The following RXRA variants were observed in gnomAD, a reference collection of about 807,000 sequenced individuals.
RXRA encodes retinoid X receptor alpha.
A neutral mutation model predicts 44.5 loss-of-function variants in RXRA; 5 were observed. That is an observed-to-expected ratio of 0.11 (90% confidence interval 0.06 to 0.24). The LOEUF is 0.24. RXRA is among the 10% of genes least tolerant of loss of function. RXRA has a pLI of 1.00. For missense variants in RXRA, 412 were observed against 646.5 expected, an observed-to-expected ratio of 0.64 and a Z score of 3.93; for synonymous variants, 291 against 271.4, an observed-to-expected ratio of 1.07 and a Z score of -0.71.
chr9:134,394,005 G>C (rs1181654016), intron 1 of RXRA, among the ~76,000 whole-genome samples: 2 of 151,586 alleles, frequency 1.3e-5, no homozygotes, highest in South Asian at 4.2e-4. Context: ...CCATCCCCTT[G>C]CTATTTATGA....
chr9:134,368,402 C>G (rs187943710), intron 1 of RXRA, among the ~76,000 whole-genome samples: 1 of 152,268 alleles, frequency 6.6e-6, no homozygotes, highest in African/African-American at 2.4e-5. Context: ...ATGGGGGCCA[C>G]CGGGTCCTTC....
chr9:134,354,008 G>A (rs528380628), intron 1 of RXRA, among the ~76,000 whole-genome samples: 1 of 152,294 alleles, frequency 6.6e-6, no homozygotes, highest in South Asian at 2.1e-4. Context: ...CAAGCTCCTG[G>A]GGAAAGGGGG....
At chr9:134,362,759 G>A (rs1284001405) in intron 1 of RXRA, among the ~76,000 whole-genome samples, 1 of 152,232 alleles carries the variant, frequency 6.6e-6, no homozygotes, top group South Asian at 2.1e-4. Context: ...CCCACTTTCT[G>A]TCGGCCCCTC....
chr9:134,357,290 T>C (rs1300133309), intron 1 of RXRA, among the ~76,000 whole-genome samples: 1 of 152,200 alleles, frequency 6.6e-6, no homozygotes, highest in Non-Finnish European at 1.5e-5. Context: ...AGTTCGCTGC[T>C]GAGCGGGCTG....
intron 2 of RXRA, 73 bp downstream of exon 2, chr9:134,401,955 C>A: frequency 7.9e-7 from 1 of 1,270,988 alleles, no homozygotes; most frequent in Non-Finnish European, 1.1e-6. Flanking sequence ...GCAGGACGAC[C>A]GCCTCATCTT....
intron 4 of RXRA, among the ~76,000 whole-genome samples, chr9:134,409,372 C>G (rs891787308): frequency 2.0e-5 from 3 of 152,160 alleles, no homozygotes; most frequent in Non-Finnish European, 4.4e-5. Flanking sequence ...TCAAGGAGAC[C>G]CTCAGGTGGC....
intron 1 of RXRA, among the ~76,000 whole-genome samples, chr9:134,393,041 A>T (rs1830823680): frequency 6.7e-6 from 1 of 148,544 alleles, no homozygotes; most frequent in Non-Finnish European, 1.5e-5. Flanking sequence ...AAAAAAACCC[A>T]TCCTGCCCTG....
intron 1 of RXRA, among the ~76,000 whole-genome samples, chr9:134,353,096 G>T (rs530347636): frequency 3.9e-5 from 6 of 152,216 alleles, no homozygotes; most frequent in East Asian, 1.9e-4. Context: ...CCTTCTGGAG[G>T]GGGGAGGAGG....
intron 1 of RXRA, chr9:134,372,285 AGGT>A (rs1830500604): frequency 6.6e-6 from 1 of 151,906 alleles, no homozygotes; most frequent in African/African-American, 2.4e-5. Context: ...CCCACTGGGG[AGGT>A]GGAGGGCCGC....
chr9:134,373,268 G>A (rs1033539347), intron 1 of RXRA, among the ~76,000 whole-genome samples: 3 of 152,104 alleles, frequency 2.0e-5, no homozygotes, highest in African/African-American at 7.2e-5. Flanking sequence ...GCTAGGAATG[G>A]CAGTAACAGG....
At chr9:134,336,136 G>A (rs1373992956) in intron 1 of RXRA, among the ~76,000 whole-genome samples, 1 of 151,810 alleles carries the variant, frequency 6.6e-6, no homozygotes, top group Non-Finnish European at 1.5e-5. Flanking sequence ...AGGTCACTCT[G>A]GGCACAGACA....
chr9:134,364,209 TG>T (rs1208311224), intron 1 of RXRA, among the ~76,000 whole-genome samples: 1 of 152,078 alleles, frequency 6.6e-6, no homozygotes. Flanking sequence ...CAGCGTCACG[TG>T]TAAGGTCCAG....
intron 4 of RXRA, among the ~76,000 whole-genome samples, chr9:134,413,301 G>GGT (rs1490033528): frequency 6.6e-6 from 1 of 151,680 alleles, no homozygotes; most frequent in African/African-American, 2.4e-5. Context: ...GTGTGCGTGT[G>GGT]GTGTGTGTGT....
chr9:134,352,015 G>A (rs1830227581), intron 1 of RXRA, among the ~76,000 whole-genome samples: 1 of 152,236 alleles, frequency 6.6e-6, no homozygotes, highest in Non-Finnish European at 1.5e-5. Flanking sequence ...TGCCTGCATG[G>A]GTCATGGTGC....
chr9:134,338,959 C>T lies in RXRA; in HGVS notation c.28+12300C>T, dbSNP rs1450894404. 3.9e-5 allele frequency among the ~76,000 whole-genome samples: 6 copies of T among 152,364 alleles called. No homozygotes were observed. In the East Asian group the frequency reaches 7.7e-4, roughly 20 times the overall value. On this transcript the variant is annotated intron_variant, in intron 1 of 9. Coordinates refer to ENST00000481739, the MANE Select transcript of RXRA (RefSeq NM_002957.6). ...GGCCGCCTTTCTGAGAACAAGGAGC[C>T]GATTGTTGTCACCACTGCTGTCTGC...
At position 134,439,957 on chromosome 9, in the gene RXRA, T is replaced by G. The variant is rs1831703666; in HGVS notation, c.*3343T>G. 6.6e-6 allele frequency: 1 copy of G among 152,430 alleles called. No homozygotes were observed. Among genetic ancestry groups the G allele is most frequent in the Admixed American group, 6.5e-5 (1 of 15,282 alleles). The allele number at this position is 152,430 out of a possible 1,614,324, so 9.4% of individuals were successfully genotyped here. A position where few individuals can be genotyped will look rare whatever the true frequency, so the allele number is the denominator to read the frequency against. On this transcript the variant is annotated 3_prime_UTR_variant, in exon 10 of 10. Coordinates refer to ENST00000481739, the MANE Select transcript of RXRA (RefSeq NM_002957.6). ...GAGATGCATCTATTTTAAGATGCTT[T>G]GGAGCAGACAGCTTTAGCCGTTCCC...
chr9:134,328,226 C>G (rs1175986830), intron 1 of RXRA, among the ~76,000 whole-genome samples: 2 of 152,218 alleles, frequency 1.3e-5, no homozygotes, highest in Non-Finnish European at 2.9e-5. Context: ...GAATGCTCAG[C>G]TCAGTGTCTG....
At chr9:134,339,917 CTGTG>C (rs1830066143) in intron 1 of RXRA, among the ~76,000 whole-genome samples, 2 of 151,810 alleles carry the variant, frequency 1.3e-5, no homozygotes, top group South Asian at 2.1e-4. Context: ...GTGTGTGAAC[CTGTG>C]TGTATGTGAG....
At chr9:134,391,250 C>T (rs1022735719) in intron 1 of RXRA, among the ~76,000 whole-genome samples, 2 of 152,176 alleles carry the variant, frequency 1.3e-5, no homozygotes, top group South Asian at 2.1e-4. Context: ...TGGCCACGCT[C>T]CACCACAGGT....
Sources: gnomAD v4.1 joint callset for allele counts (sites outside exome capture counted in the v4.1 genomes callset) on GRCh38, gnomAD v4.1.1 for gene constraint, MANE v1.5 for transcripts, NCBI Gene and HGNC (gene_info 2026-07-23, HGNC 2026-07-21) for gene names.